Variants in TACR3 observed in about 807,000 individuals in gnomAD.
TACR3 encodes the protein tachykinin receptor 3.
TACR3 carries 34 observed loss-of-function variants against 35.0 expected under a neutral mutation model. The observed-to-expected ratio is 0.97, with a 90% confidence interval of 0.74 to 1.30. The LOEUF (loss-of-function observed/expected upper bound fraction) is 1.30. TACR3 is among the 50% of genes most tolerant of loss of function. The pLI is 0.00. For synonymous variants in TACR3, 233 were observed against 221.1 expected, an observed-to-expected ratio of 1.05 and a Z score of -0.48; for missense variants, 558 against 591.7, an observed-to-expected ratio of 0.94 and a Z score of 0.59.
At chr4:103,688,729 C>T (rs1722317706) in intron 1 of TACR3, among the ~76,000 whole-genome samples, 1 of 151,010 alleles carries the variant, frequency 6.6e-6, no homozygotes, top group African/African-American at 2.5e-5. Context: ...GAATGGCGAT[C>T]ATTAAAAAGT....
chr4:103,613,082 GT>G (rs1255797040), intron 3 of TACR3, among the ~76,000 whole-genome samples: 2 of 152,052 alleles, frequency 1.3e-5, no homozygotes, highest in Non-Finnish European at 2.9e-5. Context: ...TATACGGATA[GT>G]TTTGTAATGT....
rs1252404725 is a variant in TACR3 at position 103,658,261 on chromosome 4, T to C, written c.691A>G (p.Thr231Ala). The C allele has an allele frequency of 1.2e-6, 2 of 1,613,726 alleles. No individual in the cohort carries two copies. Among genetic ancestry groups the C allele is most frequent in the Non-Finnish European group, 1.7e-6 (2 of 1,179,918 alleles). Residue 231 changes from threonine to alanine, a missense_variant, in exon 2 of 5, where the codon ACT becomes GCT. Thr to Ala is a moderately conservative substitution (Grantham distance 58). Coordinates refer to ENST00000304883, the MANE Select transcript of TACR3 (RefSeq NM_001059.3). ...YSKTKVMPGR[T>A]LCFVQWPEGP... Reference sequence around the variant, plus strand: ...TCTGGCCATTGCACAAAGCAGAGAGTACGGCCTGGCATGACTTTGGTTTTG... The same window carrying C: ...TCTGGCCATTGCACAAAGCAGAGAGCACGGCCTGGCATGACTTTGGTTTTG...
At chr4:103,633,542 G>T (rs995532664) in intron 3 of TACR3, among the ~76,000 whole-genome samples, 35 of 152,078 alleles carry the variant, frequency 2.3e-4, no homozygotes, top group African/African-American at 6.3e-4. Flanking sequence ...CACCCTATTT[G>T]TTGTCCTGAT....
chr4:103,665,646 A>G (rs1323507853), intron 1 of TACR3, among the ~76,000 whole-genome samples: 1 of 152,172 alleles, frequency 6.6e-6, no homozygotes, highest in African/African-American at 2.4e-5. Flanking sequence ...TATATTACTC[A>G]AGTAGTCACA....
intron 3 of TACR3, among the ~76,000 whole-genome samples, chr4:103,620,545 C>A (rs575535437): frequency 6.6e-6 from 1 of 152,282 alleles, no homozygotes; most frequent in South Asian, 2.1e-4. Context: ...CCCATATACA[C>A]CTTGAAATAC....
intron 3 of TACR3, among the ~76,000 whole-genome samples, chr4:103,625,156 G>A (rs1564613): frequency 0.14 from 21,793 of 152,080 alleles, 1,838 homozygotes; most frequent in African/African-American, 0.23. Context: ...TTTTCATTAA[G>A]GACATATGAA....
intron 3 of TACR3, among the ~76,000 whole-genome samples, chr4:103,629,872 C>CA (rs1157154870): frequency 0.016 from 1,669 of 104,080 alleles, 133 homozygotes; most frequent in African/African-American, 0.055. Context: ...AAAAAAAAAA[C>CA]AAAAAAAACA....
At position 103,710,185 on chromosome 4, in the gene TACR3, G is replaced by A. The variant is rs191617241; in HGVS notation, c.548+8943C>T. Among the ~76,000 whole-genome samples the A allele has an allele frequency of 3.0e-4, 45 of 152,158 alleles. 1 individual carries two copies. The highest frequency in any genetic ancestry group is 8.5e-4 in the Admixed American group (13 of 15,268). ...ATAGACATCTACAGAACTCTCCACC[G>A]CAAATCAACAGAATATACATTCTTC... is the stretch of plus-strand genomic sequence containing the variant. On this transcript the variant is annotated intron_variant, in intron 1 of 4. Transcript: ENST00000304883.
At chr4:103,710,479 C>T (rs1468899569) in intron 1 of TACR3, among the ~76,000 whole-genome samples, 1 of 148,716 alleles carries the variant, frequency 6.7e-6, no homozygotes, top group Non-Finnish European at 1.5e-5. Context: ...ATCTCTGAGA[C>T]ACATATAAAG....
At chr4:103,593,217 A>G (rs372238036) in intron 3 of TACR3, 2 of 152,266 alleles carry the variant, frequency 1.3e-5, no homozygotes, top group East Asian at 3.9e-4. Flanking sequence ...ATTGAGGCAA[A>G]AACCCAAAGA....
intron 3 of TACR3, among the ~76,000 whole-genome samples, chr4:103,630,135 T>C (rs886616359): frequency 1.3e-5 from 2 of 152,160 alleles, no homozygotes; most frequent in African/African-American, 4.8e-5. Context: ...CTGGCTGCCC[T>C]ATGAAGAAAA....
chr4:103,610,850 A>C (rs115387176), intron 3 of TACR3, among the ~76,000 whole-genome samples: 74 of 152,280 alleles, frequency 4.9e-4, no homozygotes, highest in African/African-American at 1.8e-3. Context: ...GCATATGCAT[A>C]ACCAGTTTTC....
intron 3 of TACR3, among the ~76,000 whole-genome samples, chr4:103,623,467 A>G (rs2110305532): frequency 6.6e-6 from 1 of 152,312 alleles, no homozygotes; most frequent in South Asian, 2.1e-4. Flanking sequence ...TTGTAATCAT[A>G]GACTATAACA....
At chr4:103,619,665 T>C (rs1186043814) in intron 3 of TACR3, among the ~76,000 whole-genome samples, 1 of 146,542 alleles carries the variant, frequency 6.8e-6, no homozygotes, top group African/African-American at 2.5e-5. Flanking sequence ...CCGTTACAGA[T>C]GGCTCTTATT....
chr4:103,709,523 G>A (rs914055118), intron 1 of TACR3, among the ~76,000 whole-genome samples: 1 of 152,144 alleles, frequency 6.6e-6, no homozygotes, highest in South Asian at 2.1e-4. Flanking sequence ...AAATAGAAAG[G>A]AGCAACTGGT....
At position 103,601,170 on chromosome 4, in the gene TACR3, G is replaced by A. The variant is rs182242315; in HGVS notation, c.889-9487C>T. On this transcript the variant is annotated intron_variant, in intron 3 of 4. Coordinates refer to ENST00000304883, the MANE Select transcript of TACR3 (RefSeq NM_001059.3). Reference sequence around the variant, plus strand: ...ATTGGGTGTATATATATTTAGGATAGTTAGCTCTTCTTGTTGAATTGATCC... The same window carrying A: ...ATTGGGTGTATATATATTTAGGATAATTAGCTCTTCTTGTTGAATTGATCC... Among the ~76,000 whole-genome samples the A allele has an allele frequency of 1.2e-3, 185 of 152,234 alleles. 1 individual carries two copies. Among genetic ancestry groups the A allele is most frequent in the African/African-American group, 4.3e-3 (179 of 41,530 alleles).
At chr4:103,682,016 T>G (rs1483483799) in intron 1 of TACR3, among the ~76,000 whole-genome samples, 5 of 152,212 alleles carry the variant, frequency 3.3e-5, no homozygotes, top group Admixed American at 3.3e-4. Context: ...TCATGTTTAT[T>G]AGTTTTATTT....
At chr4:103,629,845 C>CAAAAAAAAAAAAAAAAAAAAAAAAAAA (rs1487546451) in intron 3 of TACR3, among the ~76,000 whole-genome samples, 1 of 59,554 alleles carries the variant, frequency 1.7e-5, no homozygotes, top group Non-Finnish European at 3.2e-5. Flanking sequence ...CAATCCTAAG[C>CAAAAAAAAAAAAAAAAAAAAAAAAAAA]AAAACAAAAA....
chr4:103,681,049 G>A (rs1252212981), intron 1 of TACR3, among the ~76,000 whole-genome samples: 1 of 150,790 alleles, frequency 6.6e-6, no homozygotes, highest in African/African-American at 2.4e-5. Context: ...CTATTTTATT[G>A]AAAATAGAGC....
Sources: gnomAD v4.1 joint callset for allele counts (sites outside exome capture counted in the v4.1 genomes callset) on GRCh38, gnomAD v4.1.1 for gene constraint, MANE v1.5 for transcripts, NCBI Gene and HGNC (gene_info 2026-07-23, HGNC 2026-07-21) for gene names.